Variants in AGAP1 observed in about 807,000 individuals in gnomAD.
AGAP1 encodes the protein ArfGAP with GTPase domain, ankyrin repeat and PH domain 1.
In AGAP1, 29 loss-of-function variants were observed where a neutral mutation model predicts 105.3. The ratio of observed to expected loss-of-function variants is 0.28; its 90% confidence interval spans 0.21 to 0.38. The LOEUF (loss-of-function observed/expected upper bound fraction) is 0.38, where lower values mean the gene tolerates loss of function less well. Among genes scored for constraint, AGAP1 ranks in the 10% least tolerant of loss-of-function variants. The pLI is 1.00. For synonymous variants in AGAP1, 509 were observed against 485.9 expected (o/e 1.05, Z -0.63); for missense variants, 998 against 1,165.1 (o/e 0.86, Z 2.09).
chr2:236,023,061 G>T (rs377139576), intron 13 of AGAP1, among the ~76,000 whole-genome samples: 1 of 152,116 alleles, frequency 6.6e-6, no homozygotes, highest in Non-Finnish European at 1.5e-5. Context: ...ATTAAAGCCC[G>T]GGTGTGTGCG....
chr2:236,008,468 G>A (rs535008534), intron 13 of AGAP1, among the ~76,000 whole-genome samples: 2 of 152,340 alleles, frequency 1.3e-5, no homozygotes, highest in East Asian at 3.9e-4. Context: ...AATTTATCAT[G>A]AAGTTATACT....
rs764749465 is a variant in AGAP1 at position 235,601,477 on chromosome 2, G to A, written c.163+106628G>A. On this transcript the variant is annotated intron_variant, in intron 1 of 17. Coordinates refer to ENST00000304032, the MANE Select transcript of AGAP1 (RefSeq NM_001037131.3). The surrounding 1 kb of genome is among the most constrained non-coding windows in gnomAD (Gnocchi z 4.4). ...GCTGGGGAGGCCTCACAGTCATGGC[G>A]GAAGGTGAATGAGGAGCAAAGTTAC... Among the ~76,000 whole-genome samples, 88 of 152,332 alleles carry A rather than the reference G, an allele frequency of 5.8e-4. No homozygotes were observed. The highest frequency in any genetic ancestry group is 6.8e-3 in the Middle Eastern group (2 of 294).
Position 235,864,198 on chromosome 2 carries a change from T to C in AGAP1, c.1051-19147T>C, listed in dbSNP as rs765326915. Among the ~76,000 whole-genome samples, 91 of 152,206 alleles carry C rather than the reference T, an allele frequency of 6.0e-4. No homozygotes were observed. The highest frequency in any genetic ancestry group is 1.2e-3 in the Non-Finnish European group (82 of 68,040). On this transcript the variant is annotated intron_variant, in intron 9 of 17. Coordinates refer to ENST00000304032, the MANE Select transcript of AGAP1 (RefSeq NM_001037131.3). The surrounding 1 kb of genome is among the most constrained non-coding windows in gnomAD (Gnocchi z 5.0). The stretch of plus-strand genomic sequence containing the variant: ...AGAATAAAGCAGGAGCAGCAGGTTC[T>C]GATTGTTCCTTTTTCAGGAATTCCT...
At chr2:236,075,337 G>A (rs1319642953) in intron 16 of AGAP1, among the ~76,000 whole-genome samples, 2 of 151,994 alleles carry the variant, frequency 1.3e-5, no homozygotes, top group African/African-American at 4.8e-5. Context: ...TACAGCTGTT[G>A]GGGAAAAAAG....
chr2:236,052,868 T>G (rs1285173343), intron 16 of AGAP1, among the ~76,000 whole-genome samples: 1 of 152,046 alleles, frequency 6.6e-6, no homozygotes, highest in Admixed American at 6.5e-5. Flanking sequence ...GCATCAGAAT[T>G]CCCCTCTCTA....
At chr2:235,605,791 C>T (rs13422926) in intron 1 of AGAP1, among the ~76,000 whole-genome samples, 3,624 of 152,296 alleles carry the variant, frequency 0.024, 133 homozygotes, top group African/African-American at 0.084. Flanking sequence ...GTCAATGACT[C>T]TAGAATTTCA....
intron 1 of AGAP1, among the ~76,000 whole-genome samples, chr2:235,548,001 C>A (rs138425019): frequency 2.5e-3 from 386 of 152,352 alleles, no homozygotes; most frequent in African/African-American, 9.0e-3. Flanking sequence ...GCAGGTATAG[C>A]GGTGACAGCT....
chr2:236,109,288 C>T lies in AGAP1; in HGVS notation c.2115-10904C>T, dbSNP rs898769504. Reference sequence around the variant, plus strand: ...CCTGGTCAGCCTGACCCCGCCCTGCCGAGCACCTCATTCCCGGGCAGCACT... The same window carrying T: ...CCTGGTCAGCCTGACCCCGCCCTGCTGAGCACCTCATTCCCGGGCAGCACT... On this transcript the variant is annotated intron_variant, in intron 16 of 17. Transcript: ENST00000304032. This position sits in a 1 kb window ranked among gnomAD's most constrained non-coding sequence, Gnocchi z 5.4. 2.0e-5 allele frequency among the ~76,000 whole-genome samples: 3 copies of T among 152,198 alleles called. No homozygotes were observed. Among genetic ancestry groups the T allele is most frequent in the African/African-American group, 2.4e-5 (1 of 41,438 alleles).
intron 1 of AGAP1, among the ~76,000 whole-genome samples, chr2:235,699,953 G>A (rs771990793): frequency 6.6e-6 from 1 of 152,154 alleles, no homozygotes; most frequent in African/African-American, 2.4e-5. Flanking sequence ...TTGGGGGAAC[G>A]GCCTGTTTCT....
At chr2:235,803,036 G>GATGGTTGTGGTT (rs1957634313) in intron 8 of AGAP1, among the ~76,000 whole-genome samples, 1 of 151,132 alleles carries the variant, frequency 6.6e-6, no homozygotes, top group African/African-American at 2.4e-5. Flanking sequence ...TGGTTGTGAT[G>GATGGTTGTGGTT]GTGATGATGG....
intron 9 of AGAP1, chr2:235,853,207 A>G: frequency 9.6e-7 from 1 of 1,037,922 alleles, no homozygotes; most frequent in Non-Finnish European, 1.2e-6. Flanking sequence ...GATTGAGCGG[A>G]TCTGTCTTGA....
At chr2:235,531,694 G>A (rs1023005338) in intron 1 of AGAP1, among the ~76,000 whole-genome samples, 8 of 148,410 alleles carry the variant, frequency 5.4e-5, no homozygotes, top group Non-Finnish European at 7.4e-5. Context: ...TGCAACCTCC[G>A]CCTCCCGGGT....
At chr2:235,667,536 G>T (rs534955656) in intron 1 of AGAP1, among the ~76,000 whole-genome samples, 1 of 152,196 alleles carries the variant, frequency 6.6e-6, no homozygotes, top group South Asian at 2.1e-4. Flanking sequence ...CCCTGGGGAG[G>T]TGCCCTCTGT....
rs1312034188 is a variant in AGAP1, at chr2:235,721,297, C to T, written c.310+3653C>T. On this transcript the variant is annotated intron_variant, in intron 3 of 17. Transcript: ENST00000304032. The surrounding 1 kb of genome is among the most constrained non-coding windows in gnomAD (Gnocchi z 4.5). Reference sequence around the variant, plus strand: ...TGCTGGGATTACAGGCATGAGCCACCACGTCCAGCCAAGACTTAGATAATT... The same window carrying T: ...TGCTGGGATTACAGGCATGAGCCACTACGTCCAGCCAAGACTTAGATAATT... Among the ~76,000 whole-genome samples the T allele has an allele frequency of 6.6e-6, 1 of 152,202 alleles. No homozygotes were observed. The highest frequency in any genetic ancestry group is 1.5e-5 in the Non-Finnish European group (1 of 68,040).
intron 1 of AGAP1, among the ~76,000 whole-genome samples, chr2:235,531,516 A>C (rs1314746871): frequency 1.3e-5 from 2 of 151,904 alleles, no homozygotes; most frequent in Non-Finnish European, 2.9e-5. Context: ...TTGGCCTTGA[A>C]ATTTGGTAAT....
chr2:235,664,233 C>T lies in AGAP1; in HGVS notation c.164-44946C>T, dbSNP rs1055770741. On this transcript the variant is annotated intron_variant, in intron 1 of 17. Transcript: ENST00000304032. This position sits in a 1 kb window ranked among gnomAD's most constrained non-coding sequence, Gnocchi z 5.7. ...TGTTTTTTTGTTTTTTTTTTCGAGA[C>T]GGAGTTTCACTATTGTTGCCCAGGC... 3.3e-5 allele frequency among the ~76,000 whole-genome samples: 5 copies of T among 151,056 alleles called. No individual in the cohort carries two copies. Among genetic ancestry groups the T allele is most frequent in the South Asian group, 2.1e-4 (1 of 4,788 alleles).
chr2:235,686,013 T>C (rs1234915214), intron 1 of AGAP1, among the ~76,000 whole-genome samples: 2 of 152,204 alleles, frequency 1.3e-5, no homozygotes, highest in Admixed American at 6.5e-5. Context: ...CAATCAGATA[T>C]GCACTTAGTG....
rs898255502 is a variant in AGAP1 at position 235,867,391 on chromosome 2, T to C, written c.1051-15954T>C. On this transcript the variant is annotated intron_variant, in intron 9 of 17. Coordinates refer to ENST00000304032, the MANE Select transcript of AGAP1 (RefSeq NM_001037131.3). The surrounding 1 kb of genome is among the most constrained non-coding windows in gnomAD (Gnocchi z 5.4). ...ACAGAAAGAGGCAGAGGATCAGATT[T>C]GGCCGACATGTGGGAGCTTGCCGGC... 8.5e-5 allele frequency among the ~76,000 whole-genome samples: 13 copies of C among 152,210 alleles called. No homozygotes were observed. Among genetic ancestry groups the C allele is most frequent in the African/African-American group, 3.1e-4 (13 of 41,456 alleles).
At chr2:235,807,435 G>A in intron 9 of AGAP1, 104 bp downstream of exon 9, 1 of 948,234 alleles carries the variant, frequency 1.1e-6, no homozygotes. Flanking sequence ...GATGTGCTCT[G>A]TTGATGAATG....
Sources: allele counts gnomAD v4.1 joint callset (sites outside exome capture counted in the v4.1 genomes callset), GRCh38; gene constraint gnomAD v4.1.1; non-coding constraint Gnocchi (gnomAD v3.1); transcripts MANE v1.5; gene names NCBI Gene and HGNC (gene_info 2026-07-23, HGNC 2026-07-21).